GBGT1: variants seen among roughly 807,000 people sequenced by gnomAD.
The protein encoded by GBGT1 is globoside alpha-1,3-N-acetylgalactosaminyltransferase 1.
Under a neutral mutation model 20.9 loss-of-function variants are expected in GBGT1, and 18 were observed. The ratio of observed to expected loss-of-function variants is 0.86; its 90% CI spans 0.60 to 1.28. GBGT1 has a LOEUF of 1.28. Ranked by LOEUF, GBGT1 falls within the 50% of genes most tolerant of loss-of-function variation. GBGT1 has a pLI of 0.00. For missense variants in GBGT1, 432 were observed against 455.7 expected, an observed-to-expected ratio of 0.95 and a Z score of 0.47; for synonymous variants, 168 against 180.8, an observed-to-expected ratio of 0.93 and a Z score of 0.57.
rs1342714458 is a variant in GBGT1, at chr9:133,155,070, CCGGG to C, written c.359+104_359+107del. 22 of 1,006,884 alleles carry C rather than the reference CCGGG, an allele frequency of 2.2e-5. No individual in the cohort carries two copies. In the African/African-American group the frequency reaches 2.5e-4, roughly 12 times the overall value. 62.4% of individuals were successfully genotyped at this position (1,006,884 alleles called of 1,614,324 possible). On this transcript the variant is annotated intron_variant, in intron 6 of 6. Transcript: ENST00000372040. The stretch of plus-strand genomic sequence containing the variant: ...TGCTTGGCACCTGGTTCCGAGCCTC[CCGGG>C]TGCCCAGCAGGGTCCTGTGTGCACG...
rs755653587 is a variant in GBGT1 at position 133,153,995 on chromosome 9, A to G, written c.626T>C (p.Met209Thr). Reference protein sequence around the residue: ...VDYLFCLDVDMVFRNPWGPET... With the variant: ...VDYLFCLDVDTVFRNPWGPET... ...AGGGCCCCACGGGTTCCGAAACACCATGTCCACATCAAGGCAGAAGAGGTA... is the reference window on the plus strand; with the variant it reads ...AGGGCCCCACGGGTTCCGAAACACCGTGTCCACATCAAGGCAGAAGAGGTA... The change falls in exon 7 of 7, where the codon ATG (methionine) becomes ACG (threonine). Residue 209 changes from methionine (M) to threonine (T), a missense_variant. Coordinates refer to ENST00000372040, the MANE Select transcript of GBGT1 (RefSeq NM_021996.6). 11 of 1,613,762 alleles carry G rather than the reference A, an allele frequency of 6.8e-6. No homozygotes were observed. The highest frequency in any genetic ancestry group is 1.6e-4 in the Middle Eastern group (1 of 6,084).
intron 5 of GBGT1, 134 bp downstream of exon 5, chr9:133,155,767 G>T: frequency 1.1e-6 from 1 of 924,874 alleles, no homozygotes; most frequent in Non-Finnish European, 1.7e-6. Flanking sequence ...TCCCAGCCCT[G>T]TGTCTTTCCA....
In GBGT1 at chr9:133,155,305, G is replaced by T; in HGVS notation, c.232C>A (p.Gln78Lys). ...AACCAGGGTGTGAGTGTCAGCAGCT[G>T]TGTGGGCCTGGCAGCAGGGGGGCCG... ...QPKLLEHRPT[Q>K]LLTLTPWLAP... The change falls in exon 6 of 7, where the codon CAG becomes AAG. Residue 78 changes from glutamine to lysine, a missense_variant. Coordinates refer to ENST00000372040, the MANE Select transcript of GBGT1 (RefSeq NM_021996.6). 1 of 1,613,992 alleles carries T rather than the reference G, an allele frequency of 6.2e-7. No homozygotes were observed. The highest frequency in any genetic ancestry group is 8.5e-7 in the Non-Finnish European group (1 of 1,179,976).
In GBGT1 at chr9:133,161,607, C is replaced by G. The variant is rs1394634787; in HGVS notation, c.72-75G>C. 3.0e-6 allele frequency: 3 copies of G among 1,002,666 alleles called. No homozygotes were observed. The African/African-American group carries it at 4.8e-5, about 16-fold the overall frequency. 62.1% of individuals were successfully genotyped at this position (1,002,666 alleles called of 1,614,324 possible). ...GGCTGAAAACGCACCTCATGCACGTCATTGGGAGTGCAGGTCTCCCACAGT... is the reference window on the plus strand; with the variant it reads ...GGCTGAAAACGCACCTCATGCACGTGATTGGGAGTGCAGGTCTCCCACAGT... On this transcript the variant is annotated intron_variant, in intron 2 of 6. Transcript: ENST00000372040.
chr9:133,156,378 A>G (rs1209305833), intron 3 of GBGT1, among the ~76,000 whole-genome samples: 1 of 152,116 alleles, frequency 6.6e-6, no homozygotes, highest in Non-Finnish European at 1.5e-5. Flanking sequence ...AAACCTGCAA[A>G]GGGCCAGGCG....
At chr9:133,159,250 T>C (rs770757967) in intron 3 of GBGT1, among the ~76,000 whole-genome samples, 1 of 152,210 alleles carries the variant, frequency 6.6e-6, no homozygotes, top group African/African-American at 2.4e-5. Context: ...CATAAGCCGC[T>C]ACACCCAGCC....
rs1487552150 is a variant in GBGT1 at position 133,163,891 on chromosome 9, G to A, written c.-258C>T. 1 of 152,516 alleles carries A rather than the reference G, an allele frequency of 6.6e-6. No individual in the cohort carries two copies. Among genetic ancestry groups the A allele is most frequent in the Non-Finnish European group, 1.5e-5 (1 of 68,286 alleles). The allele number at this position is 152,516 out of a possible 1,614,324, so 9.4% of individuals were successfully genotyped here. A position where few individuals can be genotyped will look rare whatever the true frequency, so the allele number is the denominator to read the frequency against. On this transcript the variant is annotated 5_prime_UTR_variant, in exon 1 of 7. Coordinates refer to ENST00000372040, the MANE Select transcript of GBGT1 (RefSeq NM_021996.6). ...GAGCCTGGAGCAGGGCAGGCAGCGG[G>A]GCCGCGGGCCAGACAGAAAAGAGGA...
chr9:133,156,164 C>A, intron 3 of GBGT1, 99 bp from the exon 4 acceptor site: 1 of 1,348,454 alleles, frequency 7.4e-7, no homozygotes, highest in Admixed American at 1.9e-5. Context: ...CGGGTGGGCA[C>A]CCAGGGTCCA....
chr9:133,163,435 G>C (rs533772030), intron 1 of GBGT1: 139 of 152,554 alleles, frequency 9.1e-4, no homozygotes, highest in African/African-American at 3.0e-3. Flanking sequence ...GGCGCAGCCC[G>C]GGCCACAGTG....
intron 1 of GBGT1, chr9:133,163,529 C>T (rs1833121166): frequency 6.5e-6 from 1 of 152,686 alleles, no homozygotes; most frequent in Admixed American, 6.5e-5. Flanking sequence ...TCCTCTGGGG[C>T]CTCAGTTTCC....
chr9:133,163,813 G>T lies in GBGT1; in HGVS notation c.-180C>A, dbSNP rs35001703. The stretch of plus-strand genomic sequence containing the variant: ...GGGGCGCCACCCCGGCGCGGAAAAC[G>T]GACTCAGCTGGCCTGGGCCCCCGCG... On this transcript the variant is annotated 5_prime_UTR_variant, in exon 1 of 7. Transcript: ENST00000372040. 0.012 allele frequency: 1,766 copies of T among 152,652 alleles called. 35 individuals are homozygous for T. The highest frequency in any genetic ancestry group is 0.04 in the African/African-American group (1,671 of 41,608). The allele number at this position is 152,652 out of a possible 1,614,324, so 9.5% of individuals were successfully genotyped here. A position where few individuals can be genotyped will look rare whatever the true frequency, so the allele number is the denominator to read the frequency against.
At chr9:133,156,236 C>A in intron 3 of GBGT1, 171 bp from the exon 4 acceptor site, 1 of 676,730 alleles carries the variant, frequency 1.5e-6, no homozygotes, top group South Asian at 1.7e-5. Flanking sequence ...GCTGGGGACC[C>A]CTACAGAAGT....
intron 3 of GBGT1, among the ~76,000 whole-genome samples, chr9:133,156,895 A>T (rs948648407): frequency 6.6e-6 from 1 of 152,124 alleles, no homozygotes; most frequent in African/African-American, 2.4e-5. Context: ...TATTTTGTAG[A>T]TGTGATTAAC....
intron 6 of GBGT1, 50 bp downstream of exon 6, chr9:133,155,128 C>T (rs1435934577): frequency 1.3e-6 from 2 of 1,562,098 alleles, no homozygotes; most frequent in Admixed American, 3.4e-5. Flanking sequence ...CAACTATAAA[C>T]TCCTGTGGCT....
At chr9:133,161,978 A>T (rs1050376425) in intron 2 of GBGT1, among the ~76,000 whole-genome samples, 2 of 152,168 alleles carry the variant, frequency 1.3e-5, no homozygotes, top group Non-Finnish European at 2.9e-5. Context: ...GAAGCCGGAG[A>T]CACTAGTTGG....
chr9:133,153,892 G>A lies in GBGT1; in HGVS notation c.729C>T (p.Arg243=), dbSNP rs767726383. 6.2e-7 allele frequency: 1 copy of A among 1,605,060 alleles called. No homozygotes were observed. Among genetic ancestry groups the A allele is most frequent in the Non-Finnish European group, 8.5e-7 (1 of 1,172,934 alleles). The change falls in exon 7 of 7, where the codon CGC becomes CGT. Residue 243 remains arginine (R), a synonymous_variant. Coordinates refer to ENST00000372040, the MANE Select transcript of GBGT1 (RefSeq NM_021996.6). ...AVPRQQFPYE[R]RRVSTAFVAD... The stretch of plus-strand genomic sequence containing the variant: ...CCACAAAGGCAGTGGAAACACGCCT[G>A]CGCTCATAGGGGAACTGCTGGCGGG...
chr9:133,162,392 G>A lies in GBGT1; in HGVS notation c.21C>T (p.Ala7=). ...CCAACAGGCAGAACCCCAGACCCAG[G>A]GCCAGTCTCCGGCGATGCATTGCTG... MHRRRL[A]LGLGFCLLAG... Residue 7 remains alanine (A), a synonymous_variant, in exon 2 of 7, where the codon GCC becomes GCT. Transcript: ENST00000372040. 1 of 1,610,146 alleles carries A rather than the reference G, an allele frequency of 6.2e-7. No individual in the cohort carries two copies. The highest frequency in any genetic ancestry group is 1.1e-5 in the South Asian group (1 of 89,934).
At chr9:133,157,250 C>T (rs1028691637) in intron 3 of GBGT1, among the ~76,000 whole-genome samples, 20 of 149,646 alleles carry the variant, frequency 1.3e-4, no homozygotes, top group Non-Finnish European at 2.5e-4. Flanking sequence ...CACTACTGCA[C>T]TCCAGCCTGG....
At position 133,154,106 on chromosome 9, in the gene GBGT1, C is replaced by G; in HGVS notation, c.515G>C (p.Gly172Ala). The G allele has an allele frequency of 1.9e-6, 3 of 1,612,164 alleles. 1 individual carries two copies. In the South Asian group the frequency reaches 3.3e-5, roughly 18 times the overall value. The change falls in exon 7 of 7, where the codon GGT (glycine) becomes GCT (alanine). Residue 172 changes from glycine (G) to alanine (A), a missense_variant. Coordinates refer to ENST00000372040, the MANE Select transcript of GBGT1 (RefSeq NM_021996.6). The surrounding 1 kb of genome is among the most constrained non-coding windows in gnomAD (Gnocchi z 4.2). ...GGATGTCTCCTCCCAGTGGGAGTGA[C>G]CCTGGATGGGGATGGAGCTGAGAAG... ...HRLLSSIPIQ[G>A]HSHWEETSMR...
Sources: gnomAD v4.1 joint callset for allele counts (sites outside exome capture counted in the v4.1 genomes callset) on GRCh38, gnomAD v4.1.1 for gene constraint, Gnocchi (gnomAD v3.1) non-coding constraint, MANE v1.5 for transcripts, NCBI Gene and HGNC (gene_info 2026-07-23, HGNC 2026-07-21) for gene names.